The following CADM2 variants were observed in gnomAD, a reference collection of about 807,000 sequenced individuals.
CADM2 encodes immunoglobulin superfamily member 4D.
CADM2 carries 12 observed loss-of-function variants against 49.8 expected under a neutral mutation model. That is an observed-to-expected ratio of 0.24 (90% CI 0.15 to 0.39). CADM2 has a LOEUF of 0.39. Among genes scored for constraint, CADM2 ranks in the 10% least tolerant of loss-of-function variants. The pLI, the probability that CADM2 is intolerant of heterozygous loss-of-function variation, is 1.00. For missense variants in CADM2, 378 were observed against 492.3 expected, an observed-to-expected ratio of 0.77 and a Z score of 2.20; for synonymous variants, 214 against 175.4, an observed-to-expected ratio of 1.22 and a Z score of -1.74.
intron 1 of CADM2, among the ~76,000 whole-genome samples, chr3:85,506,562 A>AT (rs536465172): frequency 2.3e-4 from 35 of 150,272 alleles, no homozygotes; most frequent in East Asian, 5.9e-4. Context: ...AAGTCTTCTG[A>AT]TTTTTTTTTT....
At chr3:85,820,575 T>C (rs1237377175) in intron 3 of CADM2, among the ~76,000 whole-genome samples, 1 of 152,118 alleles carries the variant, frequency 6.6e-6, no homozygotes, top group African/African-American at 2.4e-5. Context: ...GGCTTTTGAC[T>C]TGAACACTTG....
intron 2 of CADM2, among the ~76,000 whole-genome samples, chr3:85,795,657 T>A (rs1201546926): frequency 1.3e-5 from 2 of 152,078 alleles, no homozygotes; most frequent in African/African-American, 4.8e-5. Flanking sequence ...TATGGTCCAG[T>A]AAGAAAAAAT....
rs536539467 is a variant in CADM2 at position 85,058,891 on chromosome 3, A to T, written c.61+99223A>T. ...TTTATATATAACACAGAAAAATATT[A>T]TGCAAAACAATATAGAATTATATAG... On this transcript the variant is annotated intron_variant, in intron 1 of 9. Transcript: ENST00000383699. Among the ~76,000 whole-genome samples, 3 of 151,992 alleles carry T rather than the reference A, an allele frequency of 2.0e-5. No individual in the cohort carries two copies. In the South Asian group the frequency reaches 6.2e-4, roughly 31 times the overall value.
intron 1 of CADM2, among the ~76,000 whole-genome samples, chr3:85,045,480 C>A (rs2035619892): frequency 1.3e-5 from 2 of 152,044 alleles, no homozygotes; most frequent in African/African-American, 4.8e-5. Context: ...ACAATCTCTT[C>A]TAGTGTAGGA....
intron 8 of CADM2, among the ~76,000 whole-genome samples, chr3:85,984,093 GAT>G (rs570643211): frequency 5.4e-5 from 8 of 148,514 alleles, no homozygotes; most frequent in Non-Finnish European, 1.2e-4. Flanking sequence ...TGTTATATAT[GAT>G]ATATGCTTTA....
At chr3:85,478,302 T>C (rs2039066704) in intron 1 of CADM2, among the ~76,000 whole-genome samples, 1 of 151,986 alleles carries the variant, frequency 6.6e-6, no homozygotes, top group African/African-American at 2.4e-5. Flanking sequence ...AAATAACAAT[T>C]GCAACAGCAA....
chr3:85,149,071 T>C (rs1435663158), intron 1 of CADM2, among the ~76,000 whole-genome samples: 1 of 152,082 alleles, frequency 6.6e-6, no homozygotes, highest in Non-Finnish European at 1.5e-5. Flanking sequence ...AATTTTAATA[T>C]AGTCAAACAT....
At chr3:85,437,238 C>T (rs551656934) in intron 1 of CADM2, among the ~76,000 whole-genome samples, 1 of 152,180 alleles carries the variant, frequency 6.6e-6, no homozygotes, top group South Asian at 2.1e-4. Flanking sequence ...ACAGTTTATC[C>T]ATTCACCTAC....
At chr3:85,407,038 A>T (rs1344509656) in intron 1 of CADM2, among the ~76,000 whole-genome samples, 1 of 152,072 alleles carries the variant, frequency 6.6e-6, no homozygotes, top group Non-Finnish European at 1.5e-5. Flanking sequence ...CCTACAAAAA[A>T]TAAAAATAAA....
intron 1 of CADM2, among the ~76,000 whole-genome samples, chr3:85,592,589 C>T (rs2063136613): frequency 6.6e-6 from 1 of 151,804 alleles, no homozygotes; most frequent in African/African-American, 2.4e-5. Context: ...TCTAGACCTT[C>T]ATGGAAACAA....
intron 2 of CADM2, among the ~76,000 whole-genome samples, chr3:85,750,530 T>C (rs1179380655): frequency 6.6e-6 from 1 of 152,106 alleles, no homozygotes; most frequent in East Asian, 1.9e-4. Context: ...ATGGTAAATA[T>C]AGTGAATATT....
At position 85,983,794 on chromosome 3, in the gene CADM2, C is replaced by CCTATCTAT. The variant is rs58036401; in HGVS notation, c.970+22166_970+22173dup. On this transcript the variant is annotated intron_variant, in intron 8 of 9. Coordinates refer to ENST00000383699, the MANE Select transcript of CADM2 (RefSeq NM_001167675.2). ...CCATTTATATCTATCTGTCTATCTACCTATCTATCTATCTATCTATCTATC... is the reference window on the plus strand; with the variant it reads ...CCATTTATATCTATCTGTCTATCTACCTATCTATCTATCTATCTATCTATCTATCTATC... 6.5e-3 allele frequency among the ~76,000 whole-genome samples: 973 copies of CCTATCTAT among 150,138 alleles called. 10 individuals carry two copies. Among genetic ancestry groups the CCTATCTAT allele is most frequent in the African/African-American group, 0.02 (836 of 41,072 alleles).
intron 1 of CADM2, among the ~76,000 whole-genome samples, chr3:85,423,993 G>A (rs1482199720): frequency 2.6e-5 from 4 of 152,080 alleles, no homozygotes; most frequent in African/African-American, 7.2e-5. Flanking sequence ...TTTGGCATCC[G>A]ATTCCTGATA....
At chr3:85,775,492 A>T (rs1469089564) in intron 2 of CADM2, among the ~76,000 whole-genome samples, 1 of 151,828 alleles carries the variant, frequency 6.6e-6, no homozygotes, top group Non-Finnish European at 1.5e-5. Context: ...TGATGACTAT[A>T]TTGTAGCTTT....
At chr3:85,309,579 T>C (rs1344777973) in intron 1 of CADM2, among the ~76,000 whole-genome samples, 1 of 152,174 alleles carries the variant, frequency 6.6e-6, no homozygotes, top group Admixed American at 6.6e-5. Context: ...CTATTATTTT[T>C]TCATTGCTAT....
Position 85,513,444 on chromosome 3 carries a change from T to C in CADM2, c.62-213078T>C, listed in dbSNP as rs146695193. Among the ~76,000 whole-genome samples the C allele has an allele frequency of 3.0e-3, 460 of 152,118 alleles. 8 individuals are homozygous for C. The highest frequency in any genetic ancestry group is 7.7e-3 in the East Asian group (40 of 5,178). On this transcript the variant is annotated intron_variant, in intron 1 of 9. Coordinates refer to ENST00000383699, the MANE Select transcript of CADM2 (RefSeq NM_001167675.2). ...ATAATTTACTTTTTTTTGATGATTA[T>C]ACATTATGCCACATCTCTGGGGTCC...
intron 1 of CADM2, among the ~76,000 whole-genome samples, chr3:85,611,455 A>G (rs2063680494): frequency 6.6e-6 from 1 of 151,958 alleles, no homozygotes; most frequent in South Asian, 2.1e-4. Flanking sequence ...ATAAAATGTG[A>G]AAAGTGATGT....
intron 1 of CADM2, among the ~76,000 whole-genome samples, chr3:85,018,904 C>T (rs1356670399): frequency 6.6e-6 from 1 of 152,160 alleles, no homozygotes; most frequent in Non-Finnish European, 1.5e-5. Context: ...CTCCTCCAGA[C>T]AGCTATTCAG....
intron 8 of CADM2, among the ~76,000 whole-genome samples, chr3:86,029,256 G>A (rs749740048): frequency 1.1e-4 from 16 of 152,084 alleles, no homozygotes; most frequent in Non-Finnish European, 2.2e-4. Context: ...GATTAAAATT[G>A]GGTTAGCCTA....
Sources: allele counts gnomAD v4.1 joint callset (sites outside exome capture counted in the v4.1 genomes callset), GRCh38; gene constraint gnomAD v4.1.1; transcripts MANE v1.5; gene names NCBI Gene and HGNC (gene_info 2026-07-23, HGNC 2026-07-21).